Variants in ROBO2 observed in about 807,000 individuals in gnomAD.
ROBO2 encodes the protein roundabout guidance receptor 2.
ROBO2 carries 53 observed loss-of-function variants against 160.8 expected under a neutral mutation model. That is an observed-to-expected ratio of 0.33 (90% CI 0.26 to 0.41). The LOEUF (loss-of-function observed/expected upper bound fraction) is 0.41. Among genes scored for constraint, ROBO2 ranks in the 10% least tolerant of loss-of-function variants. ROBO2 has a pLI of 1.00. For synonymous variants in ROBO2, 664 were observed against 611.7 expected, an observed-to-expected ratio of 1.09 and a Z score of -1.26; for missense variants, 1,577 against 1,722.4, an observed-to-expected ratio of 0.92 and a Z score of 1.49.
At chr3:76,648,003 A>C (rs112743883) in intron 2 of ROBO2, among the ~76,000 whole-genome samples, 65 of 152,306 alleles carry the variant, frequency 4.3e-4, no homozygotes, top group African/African-American at 1.5e-3. Context: ...AAATTGGGAT[A>C]GAAATATTAA....
rs140737544 is a variant in ROBO2, at chr3:76,943,243, C to T, written c.110-154771C>T. ...AGCTACCTCAGAGGACTGGCATTTG[C>T]GCTGGGGAATTCCCTTCCATGAGCC... On this transcript the variant is annotated intron_variant, in intron 2 of 26. Coordinates refer to the ROBO2 transcript ENST00000487694. 8.0e-4 allele frequency among the ~76,000 whole-genome samples: 122 copies of T among 152,214 alleles called. 3 individuals carry two copies. The East Asian group carries it at 0.02, about 26-fold the overall frequency.
intron 2 of ROBO2, among the ~76,000 whole-genome samples, chr3:77,370,184 T>A (rs563233583): frequency 6.6e-6 from 1 of 152,336 alleles, no homozygotes; most frequent in Admixed American, 6.5e-5. Flanking sequence ...CTAGTGCATA[T>A]CCAGGAACTG....
At chr3:77,011,151 C>G (rs775643378) in intron 2 of ROBO2, among the ~76,000 whole-genome samples, 4 of 142,080 alleles carry the variant, frequency 2.8e-5, no homozygotes, top group Non-Finnish European at 6.1e-5. Context: ...CCCTCCCTCC[C>G]TTCCTCCCTT....
intron 1 of ROBO2, among the ~76,000 whole-genome samples, chr3:75,914,795 C>T (rs1946741090): frequency 6.6e-6 from 1 of 152,136 alleles, no homozygotes; most frequent in Non-Finnish European, 1.5e-5. Flanking sequence ...AACAAATGGT[C>T]CTTTCCTGCT....
intron 2 of ROBO2, among the ~76,000 whole-genome samples, chr3:76,992,325 C>CTATATATATA (rs10530833): frequency 4.3e-4 from 20 of 46,890 alleles, no homozygotes; most frequent in Non-Finnish European, 5.7e-4. Flanking sequence ...CCATGTATTA[C>CTATATATATA]TATATATATA....
At chr3:76,527,296 T>G (rs2081998566) in intron 2 of ROBO2, among the ~76,000 whole-genome samples, 1 of 152,128 alleles carries the variant, frequency 6.6e-6, no homozygotes, top group African/African-American at 2.4e-5. Context: ...CTATAAAATC[T>G]ATCACTAATT....
intron 2 of ROBO2, among the ~76,000 whole-genome samples, chr3:76,624,690 C>T (rs966125471): frequency 4.0e-5 from 6 of 149,320 alleles, no homozygotes; most frequent in Non-Finnish European, 8.9e-5. Context: ...CCCAGCTGCT[C>T]AGGAGGCTGA....
chr3:76,559,412 T>C (rs1021164146), intron 2 of ROBO2, among the ~76,000 whole-genome samples: 1 of 152,162 alleles, frequency 6.6e-6, no homozygotes, highest in African/African-American at 2.4e-5. Context: ...TCAATTGGCA[T>C]GGGTGTACTG....
intron 2 of ROBO2, among the ~76,000 whole-genome samples, chr3:75,974,111 T>C (rs546693949): frequency 6.6e-6 from 1 of 151,802 alleles, no homozygotes; most frequent in African/African-American, 2.4e-5. Context: ...TTGCTGAAAC[T>C]GAAGGGACAT....
intron 2 of ROBO2, among the ~76,000 whole-genome samples, chr3:76,657,075 T>A (rs983426560): frequency 6.6e-5 from 10 of 152,292 alleles, no homozygotes; most frequent in Non-Finnish European, 1.3e-4. Flanking sequence ...TTTTTTTCCC[T>A]ATACTTTTCT....
chr3:77,387,749 C>G (rs192330827), intron 2 of ROBO2, among the ~76,000 whole-genome samples: 2 of 152,222 alleles, frequency 1.3e-5, no homozygotes, highest in African/African-American at 4.8e-5. Flanking sequence ...GGTAGCTACT[C>G]TATGTTCATC....
intron 2 of ROBO2, among the ~76,000 whole-genome samples, chr3:76,346,402 A>G (rs982330793): frequency 1.3e-5 from 2 of 152,132 alleles, no homozygotes; most frequent in Non-Finnish European, 2.9e-5. Context: ...TAAGTCTAAC[A>G]TATTCCCTGT....
intron 2 of ROBO2, among the ~76,000 whole-genome samples, chr3:77,027,247 G>GTGTGA (rs757232807): frequency 2.6e-4 from 39 of 152,134 alleles, no homozygotes; most frequent in Non-Finnish European, 4.6e-4. Context: ...CAATGGTGAT[G>GTGTGA]ACAACATCAT....
chr3:75,963,923 G>A lies in ROBO2; in HGVS notation c.109+26321G>A, dbSNP rs181815030. ...TTTTTATCGGATTAGGACCCACCCC[G>A]AGGGCCTCATTTTAACTGAATTCTT... is the stretch of plus-strand genomic sequence containing the variant. On this transcript the variant is annotated intron_variant, in intron 2 of 26. Transcript: ENST00000487694. Among the ~76,000 whole-genome samples the A allele has an allele frequency of 8.6e-5, 13 of 151,762 alleles. No individual in the cohort carries two copies. In the East Asian group the frequency reaches 1.8e-3, roughly 21 times the overall value.
At chr3:76,720,586 A>G (rs1315157063) in intron 2 of ROBO2, among the ~76,000 whole-genome samples, 1 of 152,258 alleles carries the variant, frequency 6.6e-6, no homozygotes, top group Admixed American at 6.5e-5. Context: ...TGCCTTAGGC[A>G]GAAACAAAGC....
intron 2 of ROBO2, among the ~76,000 whole-genome samples, chr3:77,377,102 A>T (rs2072789052): frequency 6.6e-6 from 1 of 152,198 alleles, no homozygotes; most frequent in South Asian, 2.1e-4. Context: ...CCAAAAGCTG[A>T]TTTCCCTACT....
chr3:76,988,867 T>C (rs945757254), intron 2 of ROBO2, among the ~76,000 whole-genome samples: 2 of 152,140 alleles, frequency 1.3e-5, no homozygotes, highest in African/African-American at 4.8e-5. Flanking sequence ...ACCTCAGCCC[T>C]GCCCTGATGC....
chr3:76,168,909 T>C (rs1391615306), intron 2 of ROBO2, among the ~76,000 whole-genome samples: 2 of 151,738 alleles, frequency 1.3e-5, no homozygotes, highest in Admixed American at 6.6e-5. Flanking sequence ...CAAATGTGTA[T>C]AAATTTGTGT....
intron 2 of ROBO2, among the ~76,000 whole-genome samples, chr3:77,445,797 T>TTTTTTG (rs1553960442): frequency 1.3e-5 from 1 of 74,734 alleles, no homozygotes; most frequent in African/African-American, 3.6e-5. Flanking sequence ...TTTTTTTGTT[T>TTTTTTG]TTTTTTTTTT....
Sources: gnomAD v4.1 joint callset for allele counts (sites outside exome capture counted in the v4.1 genomes callset) on GRCh38, gnomAD v4.1.1 for gene constraint, MANE v1.5 for transcripts, NCBI Gene and HGNC (gene_info 2026-07-23, HGNC 2026-07-21) for gene names.